SLC71A2: variants seen among roughly 807,000 people sequenced by gnomAD.
SLC71A2 encodes the protein solute carrier family 71 member 2.
chr9:94,455,378 A>ATCTTTTTT, the SLC71A2 span, among the ~76,000 whole-genome samples: 1 of 85,780 alleles, frequency 1.2e-5, no homozygotes, highest in Non-Finnish European at 2.1e-5. Context: ...TAATATTCTG[A>ATCTTTTTT]TTTTTTTTTT....
the SLC71A2 span, among the ~76,000 whole-genome samples, chr9:94,418,813 C>T: frequency 6.8e-6 from 1 of 146,964 alleles, no homozygotes; most frequent in Non-Finnish European, 1.5e-5. Flanking sequence ...AGGCTGGTCT[C>T]AAACTCCTGG....
chr9:94,407,973 C>T, the SLC71A2 span, among the ~76,000 whole-genome samples: 2 of 152,216 alleles, frequency 1.3e-5, no homozygotes, highest in South Asian at 2.1e-4. Flanking sequence ...CATCAGTTAT[C>T]GGATGGACTG....
At chr9:94,413,001 A>AT in the SLC71A2 span, among the ~76,000 whole-genome samples, 1 of 152,064 alleles carries the variant, frequency 6.6e-6, no homozygotes, top group South Asian at 2.1e-4. Flanking sequence ...GATGTGACAT[A>AT]TTTTTAAAAA....
chr9:94,419,309 T>TC, the SLC71A2 span, among the ~76,000 whole-genome samples: 1 of 150,800 alleles, frequency 6.6e-6, no homozygotes, highest in Non-Finnish European at 1.5e-5. Context: ...TTTTTTTTTT[T>TC]TTTTTGAGAC....
the SLC71A2 span, among the ~76,000 whole-genome samples, chr9:94,380,248 G>T: frequency 1.3e-5 from 2 of 152,006 alleles, no homozygotes; most frequent in African/African-American, 4.8e-5. Flanking sequence ...TCCAGCCTGG[G>T]CGACAGAGCG....
At chr9:94,436,110 T>C in the SLC71A2 span, among the ~76,000 whole-genome samples, 1 of 152,274 alleles carries the variant, frequency 6.6e-6, no homozygotes, top group Non-Finnish European at 1.5e-5. Flanking sequence ...GTTGTTACAC[T>C]GTATTTTTTA....
At chr9:94,459,533 G>T in the SLC71A2 span, 1 of 921,104 alleles carries the variant, frequency 1.1e-6, no homozygotes, top group South Asian at 1.8e-5. Context: ...GGCCAAGTTT[G>T]ATAAATACCA....
the SLC71A2 span, among the ~76,000 whole-genome samples, chr9:94,406,578 G>C: frequency 6.6e-6 from 1 of 152,070 alleles, no homozygotes. Context: ...TCACTATGTC[G>C]CCTGGGAGGG....
the SLC71A2 span, chr9:94,441,122 T>C: frequency 8.4e-6 from 11 of 1,311,588 alleles, no homozygotes; most frequent in Middle Eastern, 3.8e-4. Context: ...ACTATATATA[T>C]TTTTTAACCA....
chr9:94,430,383 C>T, the SLC71A2 span, among the ~76,000 whole-genome samples: 1 of 152,032 alleles, frequency 6.6e-6, no homozygotes, highest in African/African-American at 2.4e-5. Flanking sequence ...CCACTACGCT[C>T]AGCTAATTTT....
At chr9:94,388,363 T>TA in the SLC71A2 span, among the ~76,000 whole-genome samples, 1 of 151,826 alleles carries the variant, frequency 6.6e-6, no homozygotes, top group Non-Finnish European at 1.5e-5. Context: ...TAATGTACAC[T>TA]AAAAAAAAGG....
At chr9:94,417,867 C>A in the SLC71A2 span, among the ~76,000 whole-genome samples, 30 of 40,742 alleles carry the variant, frequency 7.4e-4, no homozygotes, top group South Asian at 2.2e-3. Flanking sequence ...CACCCCCCCC[C>A]CCCCCCCCCG....
At chr9:94,397,835 T>A in the SLC71A2 span, among the ~76,000 whole-genome samples, 1 of 152,220 alleles carries the variant, frequency 6.6e-6, no homozygotes, top group African/African-American at 2.4e-5. Context: ...TTTCATTATA[T>A]CATATCAACA....
At chr9:94,406,242 G>T in the SLC71A2 span, among the ~76,000 whole-genome samples, 1 of 151,618 alleles carries the variant, frequency 6.6e-6, no homozygotes, top group Admixed American at 6.6e-5. Context: ...TAAGTTTTTT[G>T]ATTATTATTA....
At chr9:94,430,223 AT>A in the SLC71A2 span, among the ~76,000 whole-genome samples, 28,183 of 102,274 alleles carry the variant, frequency 0.28, 3,231 homozygotes, top group Middle Eastern at 0.41. Context: ...CTTTTAAATA[AT>A]TTTTTTTTTT....
chr9:94,375,217 A>G, the SLC71A2 span, among the ~76,000 whole-genome samples: 1 of 151,974 alleles, frequency 6.6e-6, no homozygotes, highest in Non-Finnish European at 1.5e-5. Flanking sequence ...GTAACAGTTG[A>G]TAACAGTTTT....
chr9:94,406,726 A>G, the SLC71A2 span, among the ~76,000 whole-genome samples: 1 of 152,104 alleles, frequency 6.6e-6, no homozygotes, highest in East Asian at 1.9e-4. Flanking sequence ...AGTGTATAGA[A>G]ATGCAGCTGA....
the SLC71A2 span, among the ~76,000 whole-genome samples, chr9:94,377,872 T>C: frequency 2.0e-5 from 3 of 152,260 alleles, no homozygotes; most frequent in Middle Eastern, 3.4e-3. Flanking sequence ...TTTGGGAGGC[T>C]GACGTGGGCG....
At chr9:94,397,091 T>G in the SLC71A2 span, among the ~76,000 whole-genome samples, 1 of 152,290 alleles carries the variant, frequency 6.6e-6, no homozygotes. Context: ...ATAGTACTAA[T>G]TTTTCCTCTG....
Sources: gnomAD v4.1 joint callset for allele counts (sites outside exome capture counted in the v4.1 genomes callset) on GRCh38, gnomAD v4.1.1 for gene constraint, MANE v1.5 for transcripts, NCBI Gene and HGNC (gene_info 2026-07-23, HGNC 2026-07-21) for gene names.